The following MET variants were observed in gnomAD, a reference collection of about 807,000 sequenced individuals.
MET encodes MET proto-oncogene, receptor tyrosine kinase.
In MET, 48 loss-of-function variants were observed where a neutral mutation model predicts 133.1. The ratio of observed to expected loss-of-function variants is 0.36; its 90% confidence interval spans 0.29 to 0.46. The LOEUF is 0.46. Ranked by LOEUF, MET falls within the 20% of genes least tolerant of loss-of-function variation. MET has a pLI of 1.00. For synonymous variants in MET, 628 were observed against 616.5 expected, an observed-to-expected ratio of 1.02 and a Z score of -0.28; for missense variants, 1,442 against 1,695.9, an observed-to-expected ratio of 0.85 and a Z score of 2.63.
intron 1 of MET, among the ~76,000 whole-genome samples, chr7:116,685,932 A>C (rs1008987633): frequency 6.6e-6 from 1 of 152,044 alleles, no homozygotes; most frequent in Admixed American, 6.5e-5. Context: ...TCTGTCTTCA[A>C]AATAGAACCA....
intron 14 of MET, among the ~76,000 whole-genome samples, chr7:116,772,912 C>T (rs1273353680): frequency 1.3e-5 from 2 of 152,116 alleles, no homozygotes; most frequent in Non-Finnish European, 2.9e-5. Flanking sequence ...CTTTAAAAAT[C>T]CATTCGTTTA....
intron 2 of MET, among the ~76,000 whole-genome samples, chr7:116,700,673 A>G (rs1328188238): frequency 1.3e-5 from 2 of 152,198 alleles, no homozygotes; most frequent in South Asian, 2.1e-4. Context: ...TGACATTTCT[A>G]TATAATCTCT....
chr7:116,734,748 G>A (rs62470762), intron 3 of MET, among the ~76,000 whole-genome samples: 2,892 of 152,280 alleles, frequency 0.019, 51 homozygotes, highest in Non-Finnish European at 0.028. Context: ...CAATGAGAAC[G>A]TGCCTTCTTA....
At chr7:116,782,119 C>A (rs1191430646) in intron 18 of MET, 22 bp downstream of exon 18, 2 of 1,488,304 alleles carry the variant, frequency 1.3e-6, no homozygotes, top group African/African-American at 1.4e-5. Context: ...AATCTCTGTG[C>A]CACAATCCAA....
intron 19 of MET, 58 bp from the exon 20 acceptor site, chr7:116,795,597 T>C (rs1795643248): frequency 1.9e-6 from 3 of 1,611,220 alleles, no homozygotes; most frequent in African/African-American, 1.3e-5. Context: ...ACTGATTTCC[T>C]TTCATATATG....
intron 7 of MET, 47 bp downstream of exon 7, chr7:116,757,586 T>A (rs2116922061): frequency 6.2e-7 from 1 of 1,613,170 alleles, no homozygotes; most frequent in Non-Finnish European, 8.5e-7. Context: ...CTTAATCTAT[T>A]TAAATTATAA....
chr7:116,726,143 G>GTATATATATATA, intron 2 of MET, among the ~76,000 whole-genome samples: 3 of 7,828 alleles, frequency 3.8e-4, no homozygotes, highest in Non-Finnish European at 5.4e-4. Context: ...CTATATATAT[G>GTATATATATATA]TATATATATA....
At position 116,778,758 on chromosome 7, in the gene MET, C is replaced by T. The variant is rs959432467; in HGVS notation, c.3341-18C>T. Reference sequence around the variant, plus strand: ...TGTTCCATAATGAAGTTAATGTCTCCACCACTGGATTTCTCAGGAATCACT... The same window carrying T: ...TGTTCCATAATGAAGTTAATGTCTCTACCACTGGATTTCTCAGGAATCACT... On this transcript the variant is annotated intron_variant, in intron 16 of 20. Transcript: ENST00000397752. 6.2e-7 allele frequency: 1 copy of T among 1,613,352 alleles called. No homozygotes were observed. The highest frequency in any genetic ancestry group is 1.3e-5 in the African/African-American group (1 of 75,014).
At chr7:116,737,986 AC>A (rs1033741869) in intron 3 of MET, among the ~76,000 whole-genome samples, 3 of 152,146 alleles carry the variant, frequency 2.0e-5, no homozygotes, top group Non-Finnish European at 4.4e-5. Flanking sequence ...TCTAAGTAGA[AC>A]GGAGGAAACC....
At chr7:116,786,217 A>T (rs960154393) in intron 19 of MET, among the ~76,000 whole-genome samples, 3 of 152,162 alleles carry the variant, frequency 2.0e-5, no homozygotes, top group South Asian at 4.1e-4. Flanking sequence ...CTCTTCTTAG[A>T]AGGGCACTAA....
chr7:116,778,131 T>C (rs772478562), intron 16 of MET, among the ~76,000 whole-genome samples: 135 of 152,368 alleles, frequency 8.9e-4, no homozygotes, highest in Middle Eastern at 3.4e-3. Context: ...TAAGTCTTTA[T>C]TGGTGACCCC....
At chr7:116,763,643 G>A (rs1794495858) in intron 11 of MET, among the ~76,000 whole-genome samples, 2 of 152,164 alleles carry the variant, frequency 1.3e-5, no homozygotes, top group South Asian at 2.1e-4. Context: ...TGCATCAATT[G>A]TATCTCCGTT....
At chr7:116,679,159 TC>T (rs1796262651) in intron 1 of MET, among the ~76,000 whole-genome samples, 1 of 152,192 alleles carries the variant, frequency 6.6e-6, no homozygotes, top group African/African-American at 2.4e-5. Flanking sequence ...CAAATATTCA[TC>T]ATTTTATTCT....
chr7:116,713,080 C>A (rs1326316698), intron 2 of MET, among the ~76,000 whole-genome samples: 6 of 152,148 alleles, frequency 3.9e-5, no homozygotes, highest in Non-Finnish European at 5.9e-5. Flanking sequence ...TCCATGATTT[C>A]AAGTTGAAAA....
Position 116,758,409 on chromosome 7 carries a change from A to G in MET, c.2103-50A>G, listed in dbSNP as rs764173758. Reference sequence around the variant, plus strand: ...TGATTTGTGGATATAATTCTAAAATATGTGTATCTCTAATAGCTAAAATTC... The same window carrying G: ...TGATTTGTGGATATAATTCTAAAATGTGTGTATCTCTAATAGCTAAAATTC... On this transcript the variant is annotated intron_variant, in intron 8 of 20. Transcript: ENST00000397752. 2.6e-6 allele frequency: 4 copies of G among 1,548,838 alleles called. No homozygotes were observed. In the African/African-American group the frequency reaches 4.1e-5, roughly 16 times the overall value.
At chr7:116,719,368 C>A (rs1417871928) in intron 2 of MET, among the ~76,000 whole-genome samples, 1 of 151,794 alleles carries the variant, frequency 6.6e-6, no homozygotes, top group Non-Finnish European at 1.5e-5. Flanking sequence ...TGTTTGAGTT[C>A]ATTGTAGATT....
intron 5 of MET, among the ~76,000 whole-genome samples, chr7:116,748,206 T>G (rs1370840781): frequency 6.6e-6 from 1 of 152,342 alleles, no homozygotes; most frequent in East Asian, 1.9e-4. Context: ...AAGGCGCCAC[T>G]GCACTCCAGC....
At chr7:116,696,090 A>G (rs1796957103) in intron 1 of MET, among the ~76,000 whole-genome samples, 1 of 152,044 alleles carries the variant, frequency 6.6e-6, no homozygotes. Context: ...CCTGGGTTCA[A>G]ACTCCTGACC....
chr7:116,726,169 A>ACACACAC (rs1562900114), intron 2 of MET, among the ~76,000 whole-genome samples: 3 of 122,562 alleles, frequency 2.4e-5, no homozygotes, highest in Non-Finnish European at 5.2e-5. Context: ...ATATATATAT[A>ACACACAC]TATATATATG....
Sources: gnomAD v4.1 joint callset for allele counts (sites outside exome capture counted in the v4.1 genomes callset) on GRCh38, gnomAD v4.1.1 for gene constraint, MANE v1.5 for transcripts, NCBI Gene and HGNC (gene_info 2026-07-23, HGNC 2026-07-21) for gene names.